Variants in WDR72 observed in about 807,000 individuals in gnomAD.
The protein encoded by WDR72 is WD repeat-containing protein 72.
In WDR72, 120 loss-of-function variants were observed where a neutral mutation model predicts 124.2. The observed-to-expected ratio is 0.97, with a 90% confidence interval of 0.83 to 1.12. The LOEUF is 1.12. Ranked by LOEUF, WDR72 falls within the 50% of genes most tolerant of loss-of-function variation. The pLI, the probability that WDR72 is intolerant of heterozygous loss-of-function variation, is 0.00. For synonymous variants in WDR72, 452 were observed against 441.7 expected, an observed-to-expected ratio of 1.02 and a Z score of -0.29; for missense variants, 1,387 against 1,278.8, an observed-to-expected ratio of 1.08 and a Z score of -1.29.
intron 18 of WDR72, among the ~76,000 whole-genome samples, chr15:53,556,121 T>C (rs1171636837): frequency 6.6e-6 from 1 of 152,154 alleles, no homozygotes; most frequent in Non-Finnish European, 1.5e-5. Context: ...TCTATTTTAA[T>C]TGCCAGTGTA....
intron 11 of WDR72, among the ~76,000 whole-genome samples, chr15:53,704,212 T>C (rs74018744): frequency 0.026 from 3,961 of 152,296 alleles, 86 homozygotes; most frequent in African/African-American, 0.053. Context: ...TGCCAATTAA[T>C]AGGCAATTAA....
At chr15:53,660,025 CTATT>C (rs1412449382) in intron 14 of WDR72, among the ~76,000 whole-genome samples, 2 of 151,820 alleles carry the variant, frequency 1.3e-5, no homozygotes, top group African/African-American at 2.4e-5. Flanking sequence ...AAATAAAAAT[CTATT>C]TATTTTCTTT....
chr15:53,645,668 G>A (rs1388742258), intron 14 of WDR72, among the ~76,000 whole-genome samples: 2 of 152,082 alleles, frequency 1.3e-5, no homozygotes, highest in African/African-American at 4.8e-5. Flanking sequence ...ATTTTTATTT[G>A]CCTTAAGCAT....
intron 1 of WDR72, chr15:53,756,717 C>T (rs1461858087): frequency 6.6e-6 from 1 of 152,200 alleles, no homozygotes; most frequent in East Asian, 1.9e-4. Context: ...ACGTTCACTG[C>T]TTCATGCGGT....
At chr15:53,739,579 C>G (rs2018451644) in intron 1 of WDR72, among the ~76,000 whole-genome samples, 1 of 152,042 alleles carries the variant, frequency 6.6e-6, no homozygotes, top group South Asian at 2.1e-4. Context: ...CTCATGAATA[C>G]CAGATAAATT....
At chr15:53,663,643 C>T (rs1011360776) in intron 14 of WDR72, among the ~76,000 whole-genome samples, 6 of 152,036 alleles carry the variant, frequency 3.9e-5, no homozygotes, top group Non-Finnish European at 8.8e-5. Context: ...ACATCTGAAA[C>T]GCATAGGTCA....
intron 13 of WDR72, among the ~76,000 whole-genome samples, chr15:53,669,690 A>T (rs562521554): frequency 6.6e-6 from 1 of 152,324 alleles, no homozygotes; most frequent in Admixed American, 6.5e-5. Context: ...ATATATTTAA[A>T]CTATTAGAGA....
intron 16 of WDR72, among the ~76,000 whole-genome samples, chr15:53,610,992 T>C (rs2013516902): frequency 6.6e-6 from 1 of 152,072 alleles, no homozygotes; most frequent in African/African-American, 2.4e-5. Context: ...TAATATGTGA[T>C]AGAAATGAGA....
At chr15:53,660,229 G>A (rs1432243093) in intron 14 of WDR72, among the ~76,000 whole-genome samples, 4 of 151,608 alleles carry the variant, frequency 2.6e-5, no homozygotes, top group Non-Finnish European at 5.9e-5. Context: ...TTTTTTTATA[G>A]TTATACAAGT....
At position 53,704,733 on chromosome 15, in the gene WDR72, C is replaced by T. The variant is rs188427359; in HGVS notation, c.1348+255G>A. ...ATTTTTAGTAGAAATGGGGTTTCAC[C>T]GTGTTAGCCAGGATGGTCTCGATCT... is the stretch of plus-strand genomic sequence containing the variant. On this transcript the variant is annotated intron_variant, in intron 11 of 19. Coordinates refer to ENST00000360509, the MANE Select transcript of WDR72 (RefSeq NM_182758.4). 1.2e-3 allele frequency among the ~76,000 whole-genome samples: 165 copies of T among 140,874 alleles called. 2 individuals are homozygous for T. Among genetic ancestry groups the T allele is most frequent in the East Asian group, 9.6e-3 (47 of 4,906 alleles). 92.4% of individuals were successfully genotyped at this position (140,874 alleles called of 152,430 possible).
chr15:53,720,409 T>A (rs989167389), intron 3 of WDR72, among the ~76,000 whole-genome samples: 3 of 152,314 alleles, frequency 2.0e-5, no homozygotes, highest in Admixed American at 2.0e-4. Context: ...CTTTGCTGGG[T>A]TTTGTCCAAA....
At chr15:53,731,404 G>T (rs545697504) in intron 2 of WDR72, among the ~76,000 whole-genome samples, 8 of 151,920 alleles carry the variant, frequency 5.3e-5, no homozygotes, top group Admixed American at 2.0e-4. Context: ...GGATTTCTCT[G>T]TATCAGCACT....
At position 53,736,061 on chromosome 15, in the gene WDR72, G is replaced by T. The variant is rs1474552870; in HGVS notation, c.-12-2900C>A. On this transcript the variant is annotated intron_variant, in intron 1 of 19. Transcript: ENST00000360509. ...CAGCAAGAAGTCATTAAAAAAAAAT[G>T]AAAATGTTGAGTAAAAAGAATTCAG... is the stretch of plus-strand genomic sequence containing the variant. Among the ~76,000 whole-genome samples the T allele has an allele frequency of 5.3e-5, 8 of 151,862 alleles. No individual in the cohort carries two copies. In the East Asian group the frequency reaches 1.4e-3, roughly 26 times the overall value.
chr15:53,578,982 G>A (rs2011771942), intron 18 of WDR72, among the ~76,000 whole-genome samples: 1 of 152,106 alleles, frequency 6.6e-6, no homozygotes, highest in Admixed American at 6.6e-5. Flanking sequence ...TGTGAGCAGG[G>A]AAGAAATCGT....
intron 13 of WDR72, among the ~76,000 whole-genome samples, chr15:53,676,319 C>A (rs887649350): frequency 6.6e-6 from 1 of 152,224 alleles, no homozygotes; most frequent in Non-Finnish European, 1.5e-5. Context: ...GCAAAAGGAA[C>A]TTTGCACATG....
intron 18 of WDR72, among the ~76,000 whole-genome samples, chr15:53,545,752 G>A (rs62005886): frequency 0.066 from 6,894 of 104,938 alleles, 101 homozygotes; most frequent in Middle Eastern, 0.1. Flanking sequence ...GAAAATTTTC[G>A]CAACCTACTC....
chr15:53,519,990 A>T (rs1891695741), intron 19 of WDR72, among the ~76,000 whole-genome samples: 1 of 152,130 alleles, frequency 6.6e-6, no homozygotes, highest in Non-Finnish European at 1.5e-5. Context: ...AAATTCAAGC[A>T]ACTTGGCTTT....
At chr15:53,607,229 A>C (rs2140354992) in intron 17 of WDR72, among the ~76,000 whole-genome samples, 1 of 152,164 alleles carries the variant, frequency 6.6e-6, no homozygotes, top group Non-Finnish European at 1.5e-5. Context: ...CTCTAAGTCA[A>C]CTCACAGATG....
chr15:53,631,974 T>C (rs1332670442), intron 14 of WDR72, among the ~76,000 whole-genome samples: 1 of 152,060 alleles, frequency 6.6e-6, no homozygotes, highest in African/African-American at 2.4e-5. Context: ...AGCCCAGCCA[T>C]GTGGTAGAAA....
Sources: allele counts gnomAD v4.1 joint callset (sites outside exome capture counted in the v4.1 genomes callset), GRCh38; gene constraint gnomAD v4.1.1; transcripts MANE v1.5; gene names NCBI Gene and HGNC (gene_info 2026-07-23, HGNC 2026-07-21).